The following MTUS1 variants were observed in gnomAD, a reference collection of about 807,000 sequenced individuals.
MTUS1 encodes microtubule associated scaffold protein 1.
Under a neutral mutation model 120.8 loss-of-function variants are expected in MTUS1, and 109 were observed. The observed-to-expected ratio is 0.90, with a 90% CI of 0.77 to 1.06. The LOEUF is 1.06. MTUS1 is among the 50% of genes least tolerant of loss of function. MTUS1 has a pLI of 0.00. For missense variants in MTUS1, 2,210 were observed against 1,486.3 expected (o/e 1.49, Z -8.01); for synonymous variants, 737 against 550.5 (o/e 1.34, Z -4.74).
chr8:17,652,129 AAAT>A (rs1807137935), intron 12 of MTUS1, among the ~76,000 whole-genome samples: 7 of 152,214 alleles, frequency 4.6e-5, no homozygotes, highest in Admixed American at 3.9e-4. Flanking sequence ...TATAAACATG[AAAT>A]GAAAACAGTG....
intron 8 of MTUS1, among the ~76,000 whole-genome samples, chr8:17,660,792 A>C (rs1934956588): frequency 6.6e-6 from 1 of 152,164 alleles, no homozygotes; most frequent in Admixed American, 6.6e-5. Flanking sequence ...AAGCCATATG[A>C]TAGAAATAAA....
intron 6 of MTUS1, among the ~76,000 whole-genome samples, chr8:17,703,338 G>A (rs775243644): frequency 1.3e-4 from 20 of 152,210 alleles, no homozygotes; most frequent in African/African-American, 3.4e-4. Flanking sequence ...TGTCCTATGC[G>A]GTGGAGATAG....
intron 1 of MTUS1, among the ~76,000 whole-genome samples, chr8:17,761,107 G>A (rs749541550): frequency 3.3e-5 from 5 of 151,552 alleles, no homozygotes; most frequent in Admixed American, 6.6e-5. Context: ...CCTCTTAAAC[G>A]GTTACCAAAA....
chr8:17,752,218 AG>A (rs11330832), intron 2 of MTUS1, among the ~76,000 whole-genome samples: 110,462 of 151,872 alleles, frequency 0.73, 42,442 homozygotes, highest in Middle Eastern at 0.89. Context: ...ATGTCATTAA[AG>A]AAAAAGAAAC....
intron 8 of MTUS1, among the ~76,000 whole-genome samples, chr8:17,659,670 C>A (rs1373288890): frequency 6.6e-6 from 1 of 152,112 alleles, no homozygotes; most frequent in Non-Finnish European, 1.5e-5. Context: ...CGCACTCCAG[C>A]CTGGCGACAG....
At chr8:17,727,238 CAG>C (rs113593076) in intron 3 of MTUS1, among the ~76,000 whole-genome samples, 22 of 152,180 alleles carry the variant, frequency 1.4e-4, no homozygotes, top group Admixed American at 3.9e-4. Flanking sequence ...ATAATCCTAA[CAG>C]TGTGTGACTA....
In MTUS1 at chr8:17,755,593, A is replaced by G. The variant is rs966944897; in HGVS notation, c.215T>C (p.Leu72Ser). ...AAATACTTCAACACCCTGAAGGCTT[A>G]AAGAAATATTTTCACCAGTAACTAC... ...PAVVTGENIS[L>S]SLQGVEVFGH... The change falls in exon 2 of 15, where the codon TTA becomes TCA. Residue 72 changes from leucine to serine, a missense_variant. Physicochemically the swap from Leu to Ser is moderately radical, Grantham distance 145 (BLOSUM62 -2). Coordinates refer to ENST00000693296, the MANE Select transcript of MTUS1 (RefSeq NM_001363059.2). 6.2e-7 allele frequency: 1 copy of G among 1,614,158 alleles called. No individual in the cohort carries two copies. The highest frequency in any genetic ancestry group is 8.5e-7 in the Non-Finnish European group (1 of 1,180,020).
chr8:17,779,458 A>C (rs2050704331), intron 1 of MTUS1, among the ~76,000 whole-genome samples: 2 of 152,224 alleles, frequency 1.3e-5, no homozygotes, highest in Admixed American at 1.3e-4. Context: ...ACTAAAACCC[A>C]TGTTCTGGTG....
intron 6 of MTUS1, chr8:17,703,941 C>T (rs1484516137): frequency 1.3e-5 from 2 of 152,230 alleles, no homozygotes; most frequent in South Asian, 2.1e-4. Flanking sequence ...ACACCCTCTC[C>T]CCTTTTCAAA....
chr8:17,800,809 C>T (rs1400779705), intron 1 of MTUS1: 1 of 152,284 alleles, frequency 6.6e-6, no homozygotes, highest in Admixed American at 6.5e-5. Flanking sequence ...TCAAGCCCCT[C>T]GGTCACTTTC....
At position 17,773,639 on chromosome 8, in the gene MTUS1, A is replaced by AGGTCTCTC. The variant is rs112225209; in HGVS notation, c.-154-17686_-154-17679dup. 3.9e-5 allele frequency among the ~76,000 whole-genome samples: 6 copies of AGGTCTCTC among 152,302 alleles called. 1 individual carries two copies. Among genetic ancestry groups the AGGTCTCTC allele is most frequent in the African/African-American group, 1.4e-4 (6 of 41,570 alleles). On this transcript the variant is annotated intron_variant, in intron 1 of 14. Coordinates refer to ENST00000693296, the MANE Select transcript of MTUS1 (RefSeq NM_001363059.2). ...TGAGACAGTAAGAGCCTGCCAGCTC[A>AGGTCTCTC]GGTCTCTCTTCTTAGGAAGCCACCA...
At chr8:17,682,664 C>T (rs1814817222) in intron 7 of MTUS1, among the ~76,000 whole-genome samples, 1 of 151,946 alleles carries the variant, frequency 6.6e-6, no homozygotes. Context: ...TGACTGACGT[C>T]ATGAGGAGGA....
chr8:17,678,560 T>A (rs1024536728), intron 7 of MTUS1, among the ~76,000 whole-genome samples: 2 of 152,100 alleles, frequency 1.3e-5, no homozygotes, highest in African/African-American at 4.8e-5. Flanking sequence ...ATCAACAGCA[T>A]AGAGCATCTT....
At chr8:17,787,844 G>A (rs552996082) in intron 1 of MTUS1, among the ~76,000 whole-genome samples, 2 of 152,330 alleles carry the variant, frequency 1.3e-5, no homozygotes, top group East Asian at 3.9e-4. Context: ...CTTTCTGGCT[G>A]GGCACAGTGG....
chr8:17,764,959 A>T (rs1454876678), intron 1 of MTUS1, among the ~76,000 whole-genome samples: 1 of 152,218 alleles, frequency 6.6e-6, no homozygotes, highest in African/African-American at 2.4e-5. Flanking sequence ...TGTAATACAT[A>T]ATCAAATAAT....
At chr8:17,649,474 A>G (rs1585386872) in intron 13 of MTUS1, among the ~76,000 whole-genome samples, 1 of 152,226 alleles carries the variant, frequency 6.6e-6, no homozygotes, top group Non-Finnish European at 1.5e-5. Context: ...AACGTATCCA[A>G]CTGTTTTGGA....
At chr8:17,800,568 T>C (rs915333100) in intron 1 of MTUS1, 8 of 152,154 alleles carry the variant, frequency 5.3e-5, no homozygotes, top group Non-Finnish European at 7.4e-5. Context: ...CTAAGTCCAC[T>C]AAGCACTATA....
chr8:17,757,672 G>A (rs775574962), intron 1 of MTUS1, among the ~76,000 whole-genome samples: 2 of 152,056 alleles, frequency 1.3e-5, no homozygotes, highest in Non-Finnish European at 2.9e-5. Context: ...GACTACAGGT[G>A]TACACCTTCA....
intron 6 of MTUS1, chr8:17,703,934 C>G (rs1819632069): frequency 6.6e-6 from 1 of 152,188 alleles, no homozygotes; most frequent in African/African-American, 2.4e-5. Context: ...TGTTCATACA[C>G]CCTCTCCCCT....
Sources: allele counts gnomAD v4.1 joint callset (sites outside exome capture counted in the v4.1 genomes callset), GRCh38; gene constraint gnomAD v4.1.1; transcripts MANE v1.5; gene names NCBI Gene and HGNC (gene_info 2026-07-23, HGNC 2026-07-21).